The following BCR variants were observed in gnomAD, a reference collection of about 807,000 sequenced individuals.
The protein encoded by BCR is BCR activator of RhoGEF and GTPase.
BCR carries 58 observed loss-of-function variants against 138.6 expected under a neutral mutation model. That is an observed-to-expected ratio of 0.42 (90% CI 0.34 to 0.52). The LOEUF is 0.52. BCR is among the 20% of genes least tolerant of loss of function. BCR has a pLI of 0.06. For missense variants in BCR, 1,599 were observed against 1,727.2 expected (o/e 0.93, Z 1.32); for synonymous variants, 786 against 730.1 (o/e 1.08, Z -1.23).
chr22:23,300,884 T>C (rs1175114273), intron 16 of BCR, among the ~76,000 whole-genome samples: 1 of 152,154 alleles, frequency 6.6e-6, no homozygotes, highest in Non-Finnish European at 1.5e-5. Context: ...ATGCCCCCAC[T>C]GGAACATGAG....
chr22:23,219,358 C>G (rs531552750), intron 1 of BCR, among the ~76,000 whole-genome samples: 11 of 152,152 alleles, frequency 7.2e-5, no homozygotes, highest in African/African-American at 2.7e-4. Flanking sequence ...ACAAAGCCTC[C>G]CCCCGGATCC....
At position 23,181,098 on chromosome 22, in the gene BCR, G is replaced by T. The variant is rs138513724; in HGVS notation, c.138G>T (p.Glu46Asp). The change falls in exon 1 of 23, where the codon GAG becomes GAT. Residue 46 changes from glutamate to aspartate, a missense_variant. Coordinates refer to ENST00000305877, the MANE Select transcript of BCR (RefSeq NM_004327.4). ...ERCKASIRRLEQEVNQERFRM... is the reference protein window; with the variant it reads ...ERCKASIRRLDQEVNQERFRM... The stretch of plus-strand genomic sequence containing the variant: ...GCAAGGCCTCCATTCGGCGCCTGGA[G>T]CAGGAGGTGAACCAGGAGCGCTTCC... 2,255 of 1,511,382 alleles carry T rather than the reference G, an allele frequency of 1.5e-3. 6 individuals are homozygous for T. The highest frequency in any genetic ancestry group is 1.7e-3 in the Non-Finnish European group (1,899 of 1,123,180). The allele number at this position is 1,511,382 out of a possible 1,614,324, so 93.6% of individuals were successfully genotyped here.
chr22:23,216,087 G>A (rs2072748418), intron 1 of BCR, among the ~76,000 whole-genome samples: 1 of 152,170 alleles, frequency 6.6e-6, no homozygotes, highest in Non-Finnish European at 1.5e-5. Flanking sequence ...ACGTTTTATG[G>A]ATAGGTGCTC....
intron 8 of BCR, among the ~76,000 whole-genome samples, chr22:23,277,096 C>T (rs2073587047): frequency 6.6e-6 from 1 of 152,256 alleles, no homozygotes; most frequent in Non-Finnish European, 1.5e-5. Flanking sequence ...AGGCTACTTC[C>T]TCTTAGAATT....
chr22:23,193,847 G>A (rs899954068), intron 1 of BCR, among the ~76,000 whole-genome samples: 1 of 152,230 alleles, frequency 6.6e-6, no homozygotes, highest in African/African-American at 2.4e-5. Flanking sequence ...TAGGTGGAGG[G>A]CTCAGGTCAC....
intron 15 of BCR, 57 bp from the exon 16 acceptor site, chr22:23,294,967 G>A: frequency 1.3e-6 from 2 of 1,593,114 alleles, no homozygotes; most frequent in East Asian, 2.2e-5. Context: ...GGACCCTTCA[G>A]CCATAACATT....
chr22:23,263,239 T>A, intron 4 of BCR: 1 of 1,031,820 alleles, frequency 9.7e-7, no homozygotes. Flanking sequence ...GTGCTGCTGC[T>A]GCACATGTGC....
intron 1 of BCR, among the ~76,000 whole-genome samples, chr22:23,194,760 G>A (rs1308234995): frequency 1.3e-5 from 2 of 151,928 alleles, no homozygotes; most frequent in African/African-American, 4.8e-5. Flanking sequence ...GGGCAACATA[G>A]CAAGACCCCA....
At chr22:23,266,300 G>T (rs1045660642) in intron 4 of BCR, among the ~76,000 whole-genome samples, 1 of 152,026 alleles carries the variant, frequency 6.6e-6, no homozygotes, top group Non-Finnish European at 1.5e-5. Flanking sequence ...TGTTGGCCAG[G>T]CTGGTCTCAA....
intron 1 of BCR, among the ~76,000 whole-genome samples, chr22:23,222,688 A>G (rs954403329): frequency 6.6e-6 from 1 of 152,138 alleles, no homozygotes. Context: ...GACGTGGGCT[A>G]TGTTGTCTGG....
intron 1 of BCR, among the ~76,000 whole-genome samples, chr22:23,193,756 G>A (rs1304618691): frequency 6.6e-6 from 1 of 152,236 alleles, no homozygotes; most frequent in East Asian, 1.9e-4. Context: ...GTAGCCTGCT[G>A]CATTTTGCAG....
intron 1 of BCR, among the ~76,000 whole-genome samples, chr22:23,247,971 C>T (rs1050712207): frequency 6.6e-5 from 10 of 152,200 alleles, no homozygotes; most frequent in African/African-American, 2.4e-4. Context: ...TGTCAGTGGA[C>T]ATTGGGTTCT....
At chr22:23,266,388 CT>C (rs1022294438) in intron 4 of BCR, among the ~76,000 whole-genome samples, 39 of 143,524 alleles carry the variant, frequency 2.7e-4, no homozygotes, top group South Asian at 4.4e-4. Flanking sequence ...CGCACCCTGC[CT>C]TTTTTTTTTT....
At position 23,287,366 on chromosome 22, in the gene BCR, G is replaced by T. The variant is rs1013778582; in HGVS notation, c.2526+88G>T. 4.9e-5 allele frequency: 70 copies of T among 1,441,480 alleles called. No individual in the cohort carries two copies. In the African/African-American group the frequency reaches 9.4e-4, roughly 19 times the overall value. 89.3% of individuals were successfully genotyped at this position (1,441,480 alleles called of 1,614,324 possible). ...AATGGCAGTGCGTTTTCACTTGGAT[G>T]CGCCCCACTCTGAGAGAGGCATGTC... On this transcript the variant is annotated intron_variant, in intron 11 of 22. Transcript: ENST00000305877.
At chr22:23,234,748 T>C (rs2073003641) in intron 1 of BCR, among the ~76,000 whole-genome samples, 1 of 108,538 alleles carries the variant, frequency 9.2e-6, no homozygotes, top group African/African-American at 2.7e-5. Context: ...GAGGGGACTG[T>C]GCGAAGCCAT....
intron 18 of BCR, 76 bp downstream of exon 18, chr22:23,310,509 G>T (rs1279490859): frequency 1.4e-5 from 10 of 734,614 alleles, no homozygotes; most frequent in Non-Finnish European, 2.0e-5. Flanking sequence ...AAGAGCATGT[G>T]TGGGTCTCTC....
intron 1 of BCR, among the ~76,000 whole-genome samples, chr22:23,194,442 G>C (rs774952416): frequency 6.8e-6 from 1 of 147,658 alleles, no homozygotes; most frequent in South Asian, 2.1e-4. Context: ...ATGGGGTCTC[G>C]CTCTGTCGCC....
intron 9 of BCR, 143 bp from the exon 10 acceptor site, chr22:23,284,890 C>G (rs1410685436): frequency 1.1e-6 from 1 of 879,760 alleles, no homozygotes; most frequent in Admixed American, 2.6e-5. Flanking sequence ...TCATCCCAGT[C>G]TGTCCCATGG....
In BCR at chr22:23,314,748, T is replaced by C. The variant is rs199819619; in HGVS notation, c.3726+34T>C. On this transcript the variant is annotated intron_variant, in intron 22 of 22. Transcript: ENST00000305877. ...AGACAGGCTCCAGCCCATGCAACCCTGACCTGACAGAGGTGGCCTCTGCCT... is the reference window on the plus strand; with the variant it reads ...AGACAGGCTCCAGCCCATGCAACCCCGACCTGACAGAGGTGGCCTCTGCCT... 2,080 of 1,606,306 alleles carry C rather than the reference T, an allele frequency of 1.3e-3. 10 individuals carry two copies. Among genetic ancestry groups the C allele is most frequent in the South Asian group, 1.5e-3 (134 of 90,798 alleles).
Sources: gnomAD v4.1 joint callset for allele counts (sites outside exome capture counted in the v4.1 genomes callset) on GRCh38, gnomAD v4.1.1 for gene constraint, MANE v1.5 for transcripts, NCBI Gene and HGNC (gene_info 2026-07-23, HGNC 2026-07-21) for gene names.